Variants in TENT5C observed in about 807,000 individuals in gnomAD.
TENT5C encodes terminal nucleotidyltransferase 5C, also known as family with sequence similarity 46 member C.
Under a neutral mutation model 22.2 loss-of-function variants are expected in TENT5C, and 5 were observed. The ratio of observed to expected loss-of-function variants is 0.22; its 90% CI spans 0.12 to 0.47. TENT5C has a LOEUF of 0.47. Among genes scored for constraint, TENT5C ranks in the 20% least tolerant of loss-of-function variants. TENT5C has a pLI of 0.99. For missense variants in TENT5C, 364 were observed against 500.9 expected (o/e 0.73, Z 2.61); for synonymous variants, 199 against 195.4 (o/e 1.02, Z -0.15).
chr1:117,617,772 A>G (rs1351806978), intron 1 of TENT5C, among the ~76,000 whole-genome samples: 1 of 152,214 alleles, frequency 6.6e-6, no homozygotes, highest in Non-Finnish European at 1.5e-5. Context: ...AACGTGGTTA[A>G]TTAAAACTAA....
At chr1:117,609,621 G>A (rs1653622264) in intron 1 of TENT5C, among the ~76,000 whole-genome samples, 1 of 152,222 alleles carries the variant, frequency 6.6e-6, no homozygotes, top group African/African-American at 2.4e-5. Flanking sequence ...AAATGCCTTT[G>A]GAAGAGCTCT....
intron 1 of TENT5C, among the ~76,000 whole-genome samples, chr1:117,615,371 A>G (rs1354669885): frequency 2.0e-5 from 3 of 152,162 alleles, no homozygotes; most frequent in South Asian, 2.1e-4. Context: ...ACAGTTTACA[A>G]TTTGCACATC....
In TENT5C at chr1:117,627,616, G is replaced by A; in HGVS notation, c.*3572G>A. 1.6e-5 allele frequency: 4 copies of A among 248,138 alleles called. No individual in the cohort carries two copies. Among genetic ancestry groups the A allele is most frequent in the Non-Finnish European group, 3.4e-5 (4 of 118,122 alleles). 15.4% of individuals were successfully genotyped at this position (248,138 alleles called of 1,614,324 possible). On this transcript the variant is annotated 3_prime_UTR_variant, in exon 2 of 2. Coordinates refer to ENST00000369448, the MANE Select transcript of TENT5C (RefSeq NM_017709.4). ...CTCTGTGTCAGGGAAAACCTTCTGG[G>A]TGGACTTTGTAAGAATCCAGTTTCC... is the stretch of plus-strand genomic sequence containing the variant.
At chr1:117,612,344 A>G (rs1404121309) in intron 1 of TENT5C, among the ~76,000 whole-genome samples, 1 of 118,144 alleles carries the variant, frequency 8.5e-6, no homozygotes, top group Non-Finnish European at 1.8e-5. Context: ...CCCGGTGCTC[A>G]TTCTTTTTTT....
In TENT5C at chr1:117,609,815, C is replaced by A. The variant is rs368216212; in HGVS notation, c.-28+3662C>A. On this transcript the variant is annotated intron_variant, in intron 1 of 1. Transcript: ENST00000369448. ...GTGTTCTGTCATTTGGATACATGTT[C>A]GGTTGGCGGCTTGCAAAGAGGGAGG... 7.9e-5 allele frequency among the ~76,000 whole-genome samples: 12 copies of A among 152,154 alleles called. No individual in the cohort carries two copies. The East Asian group carries it at 1.2e-3, about 15-fold the overall frequency.
At position 117,625,962 on chromosome 1, in the gene TENT5C, C is replaced by G. The variant is rs886552809; in HGVS notation, c.*1918C>G. The G allele has an allele frequency of 1.6e-5, 4 of 247,660 alleles. No homozygotes were observed. The Admixed American group carries it at 1.7e-4, about 10-fold the overall frequency. 15.3% of individuals were successfully genotyped at this position (247,660 alleles called of 1,614,324 possible). A position where few individuals can be genotyped will look rare whatever the true frequency, so the allele number is the denominator to read the frequency against. ...CAAGGCCGGTTCTAATTGAGGGGACCCAGTGTGCTTCAGTGTTAAGAGTGG... is the reference window on the plus strand; with the variant it reads ...CAAGGCCGGTTCTAATTGAGGGGACGCAGTGTGCTTCAGTGTTAAGAGTGG... On this transcript the variant is annotated 3_prime_UTR_variant, in exon 2 of 2. Transcript: ENST00000369448.
chr1:117,611,609 G>C (rs1236386530), intron 1 of TENT5C, among the ~76,000 whole-genome samples: 1 of 152,230 alleles, frequency 6.6e-6, no homozygotes, highest in African/African-American at 2.4e-5. Context: ...GGGAGGCTGA[G>C]GCAGGAGGAT....
rs1397776186 is a variant in TENT5C at position 117,623,354 on chromosome 1, G to A, written c.486G>A (p.Gly162=). Reference sequence around the variant, plus strand: ...TGATCTCCCTCTCCAACAAGAACGGGAAGAACGTGGAGCTGAAGTTTGTCG... The same window carrying A: ...TGATCTCCCTCTCCAACAAGAACGGAAAGAACGTGGAGCTGAAGTTTGTCG... ...WSLISLSNKN[G]KNVELKFVDS... is the part of the protein sequence containing the mutation. The change falls in exon 2 of 2, where the codon GGG becomes GGA. Residue 162 remains glycine (G), a synonymous_variant. Coordinates refer to ENST00000369448, the MANE Select transcript of TENT5C (RefSeq NM_017709.4). The A allele has an allele frequency of 3.1e-6, 5 of 1,614,074 alleles. No homozygotes were observed. Among genetic ancestry groups the A allele is most frequent in the Non-Finnish European group, 4.2e-6 (5 of 1,180,050 alleles).
At chr1:117,615,660 TG>T (rs1298115730) in intron 1 of TENT5C, among the ~76,000 whole-genome samples, 1 of 152,198 alleles carries the variant, frequency 6.6e-6, no homozygotes, top group Non-Finnish European at 1.5e-5. Flanking sequence ...GAGAAAAGGA[TG>T]TGGGCAGAAG....
chr1:117,612,106 C>G (rs1034503011), intron 1 of TENT5C, among the ~76,000 whole-genome samples: 7 of 152,172 alleles, frequency 4.6e-5, no homozygotes, highest in African/African-American at 1.7e-4. Context: ...ATTTAACAAC[C>G]CAAAGTTATG....
At chr1:117,616,859 G>A (rs1457543592) in intron 1 of TENT5C, among the ~76,000 whole-genome samples, 1 of 152,174 alleles carries the variant, frequency 6.6e-6, no homozygotes, top group African/African-American at 2.4e-5. Context: ...GCATTTTCCT[G>A]AAATTTTCTA....
chr1:117,610,498 C>T (rs1653646163), intron 1 of TENT5C, among the ~76,000 whole-genome samples: 1 of 152,212 alleles, frequency 6.6e-6, no homozygotes. Flanking sequence ...TGGGGACCCG[C>T]TCTTTTCACA....
chr1:117,622,886 C>T lies in TENT5C; in HGVS notation c.18C>T (p.Ser6=). 6.2e-7 allele frequency: 1 copy of T among 1,611,064 alleles called. No homozygotes were observed. Among genetic ancestry groups the T allele is most frequent in the East Asian group, 2.2e-5 (1 of 44,768 alleles). The change falls in exon 2 of 2, where the codon AGC becomes AGT. Residue 6 remains serine, a synonymous_variant. Coordinates refer to ENST00000369448, the MANE Select transcript of TENT5C (RefSeq NM_017709.4). ...CCCTGAAGATGGCAGAGGAGAGCAG[C>T]TGTACCAGGGATTGCATGTCCTTCA... MAEES[S]CTRDCMSFSV...
intron 1 of TENT5C, among the ~76,000 whole-genome samples, chr1:117,618,946 C>G (rs916104071): frequency 6.6e-6 from 1 of 152,162 alleles, no homozygotes; most frequent in Non-Finnish European, 1.5e-5. Flanking sequence ...CACAGTCATA[C>G]AGAAAGAACA....
Position 117,623,367 on chromosome 1 carries a change from C to A in TENT5C, c.499C>A (p.Leu167Met), listed in dbSNP as rs1653941651. Reference protein sequence around the residue: ...LSNKNGKNVELKFVDSIRRQF... With the variant: ...LSNKNGKNVEMKFVDSIRRQF... ...CAACAAGAACGGGAAGAACGTGGAG[C>A]TGAAGTTTGTCGACTCCATTCGGCG... Residue 167 changes from leucine (L) to methionine (M), a missense_variant, in exon 2 of 2, where the codon CTG becomes ATG. By Grantham distance (15) the Leu-to-Met change is conservative (BLOSUM62 2). Coordinates refer to ENST00000369448, the MANE Select transcript of TENT5C (RefSeq NM_017709.4). 6.2e-7 allele frequency: 1 copy of A among 1,614,070 alleles called. No individual in the cohort carries two copies. The highest frequency in any genetic ancestry group is 1.7e-5 in the Admixed American group (1 of 60,000).
chr1:117,620,952 G>A (rs934059686), intron 1 of TENT5C, among the ~76,000 whole-genome samples: 2 of 152,188 alleles, frequency 1.3e-5, no homozygotes, highest in East Asian at 3.8e-4. Flanking sequence ...TGTACTGTGT[G>A]CTAATCATGG....
chr1:117,616,183 A>G (rs1009646735), intron 1 of TENT5C, among the ~76,000 whole-genome samples: 2 of 152,208 alleles, frequency 1.3e-5, no homozygotes, highest in Non-Finnish European at 2.9e-5. Context: ...TAATTTGTGA[A>G]AAAGGGATAG....
chr1:117,623,222 C>G lies in TENT5C; in HGVS notation c.354C>G (p.Asn118Lys), dbSNP rs556415905. The G allele has an allele frequency of 1.2e-6, 2 of 1,614,070 alleles. No individual in the cohort carries two copies. The highest frequency in any genetic ancestry group is 2.7e-5 in the African/African-American group (2 of 74,914). Residue 118 changes from asparagine (N) to lysine (K), a missense_variant, in exon 2 of 2, where the codon AAC (asparagine) becomes AAG (lysine). By Grantham distance (94) the Asn-to-Lys change is moderately conservative. Around this residue, in one of 3 missense-constraint regions of TENT5C, gnomAD observed 303 missense variants for 394.5 expected, o/e 0.77. Transcript: ENST00000369448. ...VRDVVLCSLL[N>K]FLPEGVNKLK... is the part of the protein sequence containing the mutation. ...ATGTGGTTCTGTGTTCCCTTCTGAA[C>G]TTCCTGCCAGAGGGTGTGAACAAGC... is the stretch of plus-strand genomic sequence containing the variant.
chr1:117,623,913 A>T lies in TENT5C; in HGVS notation c.1045A>T (p.Ser349Cys), dbSNP rs747636778. 1 of 1,614,138 alleles carries T rather than the reference A, an allele frequency of 6.2e-7. No homozygotes were observed. The highest frequency in any genetic ancestry group is 2.2e-5 in the East Asian group (1 of 44,872). ...RVLAEQNIIP[S>C]ATNVTCYYQP... ...GCTGGCGGAACAAAACATCATCCCC[A>T]GTGCCACCAACGTCACCTGTTACTA... Residue 349 changes from serine (S) to cysteine (C), a missense_variant, in exon 2 of 2, where the codon AGT (serine) becomes TGT (cysteine). Around this residue, in one of 3 missense-constraint regions of TENT5C, gnomAD observed 54 missense variants for 76.5 expected, o/e 0.71. Transcript: ENST00000369448.
Sources: gnomAD v4.1 joint callset for allele counts (sites outside exome capture counted in the v4.1 genomes callset) on GRCh38, gnomAD v4.1.1 for gene constraint, gnomAD v4.1.1 regional missense constraint, MANE v1.5 for transcripts, NCBI Gene and HGNC (gene_info 2026-07-23, HGNC 2026-07-21) for gene names.